MEGF10: variants seen among roughly 807,000 people sequenced by gnomAD.
The protein encoded by MEGF10 is multiple EGF like domains 10.
In MEGF10, 86 loss-of-function variants were observed where a neutral mutation model predicts 147.5. The ratio of observed to expected loss-of-function variants is 0.58; its 90% CI spans 0.49 to 0.70. The LOEUF is 0.70. MEGF10 is among the 30% of genes least tolerant of loss of function. The pLI is 0.00. For synonymous variants in MEGF10, 478 were observed against 525.5 expected (o/e 0.91, Z 1.24); for missense variants, 1,329 against 1,487.3 (o/e 0.89, Z 1.75).
the MEGF10 span, among the ~76,000 whole-genome samples, chr5:127,261,107 A>C: frequency 0.047 from 7,105 of 152,284 alleles, 264 homozygotes; most frequent in African/African-American, 0.1. Context: ...AGTTTATATA[A>C]CATACAATCC....
the MEGF10 span, among the ~76,000 whole-genome samples, chr5:127,266,179 T>C: frequency 4.6e-5 from 7 of 151,932 alleles, no homozygotes; most frequent in Admixed American, 3.9e-4. Flanking sequence ...AAATAGGGAA[T>C]CCTTTCCCCA....
At chr5:127,358,662 T>C (rs1580758541) in intron 4 of MEGF10, among the ~76,000 whole-genome samples, 1 of 152,292 alleles carries the variant, frequency 6.6e-6, no homozygotes, top group South Asian at 2.1e-4. Context: ...CAAATGAAGG[T>C]ACCTTCCTTC....
chr5:127,272,756 A>G, the MEGF10 span, among the ~76,000 whole-genome samples: 1 of 152,148 alleles, frequency 6.6e-6, no homozygotes, highest in African/African-American at 2.4e-5. Context: ...TAGGAATGCT[A>G]GCGATTTTTG....
At chr5:127,391,077 CAT>C (rs1580804010) in intron 5 of MEGF10, among the ~76,000 whole-genome samples, 3 of 138,010 alleles carry the variant, frequency 2.2e-5, no homozygotes, top group Non-Finnish European at 1.5e-5. Flanking sequence ...TATATACATA[CAT>C]ACACACATGC....
At chr5:127,315,238 A>AT (rs2126748530) in intron 1 of MEGF10, among the ~76,000 whole-genome samples, 1 of 152,274 alleles carries the variant, frequency 6.6e-6, no homozygotes, top group East Asian at 1.9e-4. Flanking sequence ...TTTTTTCCCC[A>AT]TAAAAACTGT....
chr5:127,237,777 A>AATTTCC, the MEGF10 span, among the ~76,000 whole-genome samples: 1 of 151,770 alleles, frequency 6.6e-6, no homozygotes, highest in Non-Finnish European at 1.5e-5. Context: ...GGGATGTGGG[A>AATTTCC]CTTTCCCTCT....
chr5:127,344,198 T>C (rs946852404), intron 4 of MEGF10, among the ~76,000 whole-genome samples: 4 of 152,160 alleles, frequency 2.6e-5, no homozygotes, highest in African/African-American at 4.8e-5. Flanking sequence ...ATTATGTATG[T>C]ATATATGAGC....
intron 8 of MEGF10, among the ~76,000 whole-genome samples, chr5:127,404,437 C>T (rs956364591): frequency 6.6e-6 from 1 of 152,052 alleles, no homozygotes; most frequent in Non-Finnish European, 1.5e-5. Context: ...TTTACACCAA[C>T]CTATAACCCC....
At chr5:127,305,876 A>G (rs1435857976) in intron 1 of MEGF10, among the ~76,000 whole-genome samples, 1 of 152,234 alleles carries the variant, frequency 6.6e-6, no homozygotes, top group African/African-American at 2.4e-5. Context: ...TTGGTTGAAG[A>G]TATTGAATTA....
chr5:127,335,995 A>G (rs1210441680), intron 2 of MEGF10, among the ~76,000 whole-genome samples: 1 of 150,022 alleles, frequency 6.7e-6, no homozygotes, highest in African/African-American at 2.4e-5. Flanking sequence ...CCTTTCTCCT[A>G]TAAGCTTAAG....
rs961006840 is a variant in MEGF10, at chr5:127,339,948, T to A, written c.219-582T>A. Among the ~76,000 whole-genome samples the A allele has an allele frequency of 1.2e-4, 19 of 152,338 alleles. 1 individual carries two copies. Among genetic ancestry groups the A allele is most frequent in the Admixed American group, 1.2e-3 (19 of 15,292 alleles). ...TACCTGCCATTATATGATCTAATCA[T>A]TTGTTTAATGCATGTCCTTACTTTA... On this transcript the variant is annotated intron_variant, in intron 3 of 24. Transcript: ENST00000503335.
At chr5:127,241,793 G>A in the MEGF10 span, among the ~76,000 whole-genome samples, 1 of 151,982 alleles carries the variant, frequency 6.6e-6, no homozygotes, top group Non-Finnish European at 1.5e-5. Context: ...GGTACATTAG[G>A]GTGTGATAGC....
chr5:127,241,449 T>C, the MEGF10 span, among the ~76,000 whole-genome samples: 2 of 152,160 alleles, frequency 1.3e-5, no homozygotes, highest in African/African-American at 4.8e-5. Flanking sequence ...GAATTTTGGA[T>C]ATTTACAGAT....
chr5:127,232,161 G>C, the MEGF10 span, among the ~76,000 whole-genome samples: 1 of 152,090 alleles, frequency 6.6e-6, no homozygotes, highest in Non-Finnish European at 1.5e-5. Context: ...CATTTTCTTT[G>C]AAAATAAAAA....
chr5:127,321,997 G>T (rs140904278), intron 1 of MEGF10, among the ~76,000 whole-genome samples: 1 of 151,322 alleles, frequency 6.6e-6, no homozygotes, highest in Non-Finnish European at 1.5e-5. Context: ...TGTTATGATT[G>T]GATTTTTTCC....
At chr5:127,348,295 TCAG>T (rs1454025525) in intron 4 of MEGF10, among the ~76,000 whole-genome samples, 1 of 152,136 alleles carries the variant, frequency 6.6e-6, no homozygotes, top group Non-Finnish European at 1.5e-5. Context: ...TACTTTTCTC[TCAG>T]CAGAAGAGTG....
intron 6 of MEGF10, among the ~76,000 whole-genome samples, chr5:127,397,954 C>T (rs1763982598): frequency 6.6e-6 from 1 of 151,642 alleles, no homozygotes; most frequent in Non-Finnish European, 1.5e-5. Context: ...TCTCAGCAAA[C>T]TAACACAGGA....
intron 5 of MEGF10, among the ~76,000 whole-genome samples, chr5:127,379,806 G>T (rs1453781177): frequency 6.6e-6 from 1 of 151,744 alleles, no homozygotes; most frequent in Non-Finnish European, 1.5e-5. Context: ...CACCATGTTG[G>T]CCAGGCTGGT....
At chr5:127,298,210 C>G (rs1208027923) in intron 1 of MEGF10, among the ~76,000 whole-genome samples, 1 of 152,178 alleles carries the variant, frequency 6.6e-6, no homozygotes, top group Non-Finnish European at 1.5e-5. Flanking sequence ...GCTACCACCT[C>G]CACCAGGTGG....
Sources: gnomAD v4.1 joint callset for allele counts (sites outside exome capture counted in the v4.1 genomes callset) on GRCh38, gnomAD v4.1.1 for gene constraint, MANE v1.5 for transcripts, NCBI Gene and HGNC (gene_info 2026-07-23, HGNC 2026-07-21) for gene names.